The following SORBS2 variants were observed in gnomAD, a reference collection of about 807,000 sequenced individuals.
SORBS2 encodes the protein sorbin and SH3 domain containing 2.
A neutral mutation model predicts 97.7 loss-of-function variants in SORBS2; 46 were observed. That is an observed-to-expected ratio of 0.47 (90% CI 0.37 to 0.60). The LOEUF (loss-of-function observed/expected upper bound fraction) is 0.60. Ranked by LOEUF, SORBS2 falls within the 20% of genes least tolerant of loss-of-function variation. SORBS2 has a pLI of 0.00. For missense variants in SORBS2, 1,316 were observed against 1,282.3 expected, an observed-to-expected ratio of 1.03 and a Z score of -0.40; for synonymous variants, 476 against 473.4, an observed-to-expected ratio of 1.01 and a Z score of -0.07.
At chr4:185,820,001 G>A (rs2099195729) in intron 1 of SORBS2, among the ~76,000 whole-genome samples, 1 of 152,196 alleles carries the variant, frequency 6.6e-6, no homozygotes, top group African/African-American at 2.4e-5. Context: ...GAGGGCGGTT[G>A]TGGCAATTAA....
intron 1 of SORBS2, among the ~76,000 whole-genome samples, chr4:185,830,354 A>C (rs898007491): frequency 2.6e-5 from 4 of 152,260 alleles, no homozygotes; most frequent in Non-Finnish European, 5.9e-5. Context: ...TCTGAAACCC[A>C]GCACACATAG....
At chr4:185,715,912 C>G (rs1488602166) in intron 2 of SORBS2, among the ~76,000 whole-genome samples, 1 of 152,226 alleles carries the variant, frequency 6.6e-6, no homozygotes, top group Non-Finnish European at 1.5e-5. Context: ...CTATTCTTAA[C>G]AGTCATGCCC....
chr4:185,634,248 C>G (rs966124073), intron 4 of SORBS2, among the ~76,000 whole-genome samples: 2 of 152,158 alleles, frequency 1.3e-5, no homozygotes, highest in African/African-American at 4.8e-5. Flanking sequence ...TCTTGAGACT[C>G]TATACCTGCA....
intron 4 of SORBS2, chr4:185,646,373 A>T (rs1252922866): frequency 4.4e-6 from 1 of 225,918 alleles, no homozygotes; most frequent in Non-Finnish European, 8.6e-6. Context: ...GTGTGCATAC[A>T]CATGTGTATA....
chr4:185,853,831 T>C (rs1427412584), intron 1 of SORBS2, among the ~76,000 whole-genome samples: 9 of 152,232 alleles, frequency 5.9e-5, no homozygotes, highest in Non-Finnish European at 1.3e-4. Context: ...AAATCATTTT[T>C]GTATTTACTA....
chr4:185,662,267 G>C, intron 4 of SORBS2, 25 bp from the exon 8 acceptor site: 1 of 1,575,678 alleles, frequency 6.3e-7, no homozygotes, highest in Non-Finnish European at 8.6e-7. Flanking sequence ...AAGGCATCGA[G>C]TTAAATTAGC....
chr4:185,905,057 T>C (rs931028610), intron 1 of SORBS2, among the ~76,000 whole-genome samples: 1 of 151,734 alleles, frequency 6.6e-6, no homozygotes, highest in Non-Finnish European at 1.5e-5. Context: ...TGAGCCAAGA[T>C]TGCACCACTG....
chr4:185,693,371 C>T (rs904151773), intron 2 of SORBS2, among the ~76,000 whole-genome samples: 4 of 152,016 alleles, frequency 2.6e-5, no homozygotes, highest in Admixed American at 2.6e-4. Context: ...GGGCAGCGGC[C>T]AGCACAGGAG....
chr4:185,670,411 A>T (rs1408399020), intron 4 of SORBS2, among the ~76,000 whole-genome samples: 2 of 152,148 alleles, frequency 1.3e-5, no homozygotes. Context: ...CTCAGGTTCC[A>T]GTTGGCTTGA....
chr4:185,590,727 T>C (rs2095906138), intron 13 of SORBS2, among the ~76,000 whole-genome samples: 1 of 152,182 alleles, frequency 6.6e-6, no homozygotes, highest in Non-Finnish European at 1.5e-5. Context: ...CCATACATTA[T>C]AATAAATAGT....
chr4:185,915,943 T>A (rs572431896), intron 1 of SORBS2, among the ~76,000 whole-genome samples: 1 of 152,048 alleles, frequency 6.6e-6, no homozygotes, highest in Admixed American at 6.6e-5. Context: ...TAACCAGACA[T>A]AAGGAGGCTG....
intron 1 of SORBS2, among the ~76,000 whole-genome samples, chr4:185,809,496 G>A (rs2099170596): frequency 7.7e-6 from 1 of 129,236 alleles, no homozygotes. Context: ...GATATAGTAT[G>A]TTTTGGAAAT....
intron 2 of SORBS2, among the ~76,000 whole-genome samples, chr4:185,731,879 T>C (rs1260283938): frequency 0.052 from 2,216 of 42,376 alleles, 45 homozygotes; most frequent in Non-Finnish European, 0.074. Context: ...TATATATATA[T>C]ATATATATAT....
intron 4 of SORBS2, among the ~76,000 whole-genome samples, chr4:185,668,336 C>T (rs2097651333): frequency 6.6e-6 from 1 of 152,172 alleles, no homozygotes; most frequent in Non-Finnish European, 1.5e-5. Context: ...ATTATTCCAC[C>T]TTTCGAATTT....
At chr4:185,709,320 T>TTTTTTTTTTTTTTTTTTTTTTTTTTTC (rs1181008953) in intron 2 of SORBS2, among the ~76,000 whole-genome samples, 3 of 141,040 alleles carry the variant, frequency 2.1e-5, no homozygotes, top group African/African-American at 7.9e-5. Flanking sequence ...TTTTTTTTTT[T>TTTTTTTTTTTTTTTTTTTTTTTTTTTC]TTTTAGTAAA....
chr4:185,895,397 G>A (rs185853864), intron 1 of SORBS2, among the ~76,000 whole-genome samples: 3 of 152,324 alleles, frequency 2.0e-5, no homozygotes, highest in African/African-American at 4.8e-5. Flanking sequence ...CCTCATAACC[G>A]AAGCTCGACT....
chr4:185,705,111 C>G (rs2098324817), intron 2 of SORBS2, among the ~76,000 whole-genome samples: 1 of 152,204 alleles, frequency 6.6e-6, no homozygotes, highest in South Asian at 2.1e-4. Flanking sequence ...GTTGTGTTCC[C>G]CACCCAGTTG....
At chr4:185,882,373 T>C (rs969759105) in intron 1 of SORBS2, among the ~76,000 whole-genome samples, 18 of 152,112 alleles carry the variant, frequency 1.2e-4, no homozygotes, top group Non-Finnish European at 1.0e-4. Context: ...CTTAGTAAAA[T>C]CTAACAAAAT....
intron 1 of SORBS2, among the ~76,000 whole-genome samples, chr4:185,853,885 G>A (rs1173451015): frequency 6.6e-6 from 1 of 152,158 alleles, no homozygotes; most frequent in East Asian, 1.9e-4. Flanking sequence ...GGGACTTTTG[G>A]TAAAGCTTTC....
Sources: gnomAD v4.1 joint callset for allele counts (sites outside exome capture counted in the v4.1 genomes callset) on GRCh38, gnomAD v4.1.1 for gene constraint, MANE v1.5 for transcripts, NCBI Gene and HGNC (gene_info 2026-07-23, HGNC 2026-07-21) for gene names.